Variants in MYOM1 observed in about 807,000 individuals in gnomAD.
MYOM1 encodes myomesin 1.
A neutral mutation model predicts 205.3 loss-of-function variants in MYOM1; 164 were observed. The ratio of observed to expected loss-of-function variants is 0.80; its 90% CI spans 0.70 to 0.91. The LOEUF (loss-of-function observed/expected upper bound fraction) is 0.91. MYOM1 is among the 40% of genes least tolerant of loss of function. MYOM1 has a pLI of 0.00. For synonymous variants in MYOM1, 772 were observed against 789.4 expected, an observed-to-expected ratio of 0.98 and a Z score of 0.37; for missense variants, 2,011 against 2,127.3, an observed-to-expected ratio of 0.95 and a Z score of 1.08.
upstream of MYOM1, among the ~76,000 whole-genome samples, chr18:3,222,218 T>G (rs1475990750): frequency 6.6e-6 from 1 of 152,184 alleles, no homozygotes; most frequent in East Asian, 1.9e-4. Context: ...TTACAATAAT[T>G]GATTCATATG....
intron 9 of MYOM1, among the ~76,000 whole-genome samples, chr18:3,167,615 C>T (rs1472970122): frequency 6.6e-6 from 1 of 152,144 alleles, no homozygotes; most frequent in Non-Finnish European, 1.5e-5. Context: ...AAACTCCTGA[C>T]CTCAGGTGAT....
chr18:3,077,888 C>A lies in MYOM1; in HGVS notation c.4648+1291G>T, dbSNP rs144791281. 5.3e-5 allele frequency among the ~76,000 whole-genome samples: 8 copies of A among 152,196 alleles called. No individual in the cohort carries two copies. In the East Asian group the frequency reaches 1.5e-3, roughly 29 times the overall value. On this transcript the variant is annotated intron_variant, in intron 34 of 37. Transcript: ENST00000356443. ...CAGCTGCTCCCATTACTGAAAGGTCCTGCAGCGAGTCTTTCTAGTCGCCGT... is the reference window on the plus strand; with the variant it reads ...CAGCTGCTCCCATTACTGAAAGGTCATGCAGCGAGTCTTTCTAGTCGCCGT...
intron 6 of MYOM1, among the ~76,000 whole-genome samples, chr18:3,175,526 T>C (rs1567950811): frequency 6.6e-6 from 1 of 152,186 alleles, no homozygotes; most frequent in Non-Finnish European, 1.5e-5. Context: ...CTGCTTCACA[T>C]ACACAGATTG....
chr18:3,159,711 G>A (rs144352412), intron 10 of MYOM1, among the ~76,000 whole-genome samples: 1 of 152,270 alleles, frequency 6.6e-6, no homozygotes, highest in Non-Finnish European at 1.5e-5. Flanking sequence ...AACATGTAAA[G>A]CCAAAGAAGG....
At chr18:3,126,255 A>T (rs1382684373) in intron 19 of MYOM1, among the ~76,000 whole-genome samples, 3 of 139,552 alleles carry the variant, frequency 2.1e-5, no homozygotes, top group East Asian at 2.1e-4. Context: ...ACAGAGCAAG[A>T]CTTCATCTCA....
At chr18:3,107,537 C>T (rs1018081428) in intron 22 of MYOM1, among the ~76,000 whole-genome samples, 7 of 152,110 alleles carry the variant, frequency 4.6e-5, no homozygotes, top group Non-Finnish European at 1.0e-4. Context: ...TCTTATATTT[C>T]CCCTACCTAT....
intron 10 of MYOM1, among the ~76,000 whole-genome samples, chr18:3,158,119 C>T (rs2080327942): frequency 6.6e-6 from 1 of 152,002 alleles, no homozygotes; most frequent in South Asian, 2.1e-4. Context: ...TTTTACAACC[C>T]AGAGATAACT....
chr18:3,092,621 C>T (rs527576892), intron 26 of MYOM1, among the ~76,000 whole-genome samples: 70 of 151,934 alleles, frequency 4.6e-4, no homozygotes, highest in Non-Finnish European at 9.0e-4. Flanking sequence ...AGCACAAATA[C>T]CATGATGGAT....
rs56880961 is a variant in MYOM1, at chr18:3,127,305, A to ATATATATAT, written c.2795-409_2795-408insATATATATA. On this transcript the variant is annotated intron_variant, in intron 18 of 37. Transcript: ENST00000356443. Reference sequence around the variant, plus strand: ...TCCATATATATATATATATATATATATTTTTTTTTTTTTTTTTTTTGAGCT... The same window carrying ATATATATAT: ...TCCATATATATATATATATATATATATATATATATTTTTTTTTTTTTTTTTTTTTGAGCT... Among the ~76,000 whole-genome samples the ATATATATAT allele has an allele frequency of 1.8e-3, 87 of 47,570 alleles. 1 individual carries two copies. Among genetic ancestry groups the ATATATATAT allele is most frequent in the Admixed American group, 2.0e-3 (7 of 3,432 alleles). The allele number at this position is 47,570 out of a possible 152,430, so 31.2% of individuals were successfully genotyped here. A position where few individuals can be genotyped will look rare whatever the true frequency, so the allele number is the denominator to read the frequency against.
At chr18:3,119,421 G>T (rs1363053325) in intron 20 of MYOM1, among the ~76,000 whole-genome samples, 1 of 152,100 alleles carries the variant, frequency 6.6e-6, no homozygotes, top group East Asian at 1.9e-4. Flanking sequence ...GATTTTGGGG[G>T]GCTAATAAAT....
intron 10 of MYOM1, among the ~76,000 whole-genome samples, chr18:3,155,446 G>A (rs915311205): frequency 2.6e-5 from 4 of 152,160 alleles, no homozygotes; most frequent in South Asian, 2.1e-4. Flanking sequence ...GGATGGTCTT[G>A]ATCTCCTGAC....
intron 2 of MYOM1, among the ~76,000 whole-genome samples, chr18:3,197,285 C>T (rs180870870): frequency 6.6e-4 from 101 of 152,076 alleles, no homozygotes; most frequent in Non-Finnish European, 1.0e-3. Context: ...TACAGGCGCA[C>T]GCCACCATGG....
chr18:3,231,383 CA>C, the MYOM1 span, among the ~76,000 whole-genome samples: 2 of 151,992 alleles, frequency 1.3e-5, no homozygotes, highest in Admixed American at 1.3e-4. Context: ...AGGGAGCAAA[CA>C]AAACAAATGG....
chr18:3,117,809 T>A (rs2079627934), intron 20 of MYOM1, among the ~76,000 whole-genome samples: 3 of 152,210 alleles, frequency 2.0e-5, no homozygotes, highest in Non-Finnish European at 4.4e-5. Context: ...AATATTTGTT[T>A]GGCCCTTTAC....
intron 10 of MYOM1, among the ~76,000 whole-genome samples, chr18:3,159,522 G>T (rs184814671): frequency 3.3e-5 from 5 of 152,260 alleles, no homozygotes; most frequent in African/African-American, 1.2e-4. Flanking sequence ...ATACCCAAGA[G>T]AAATGAAGAT....
intron 11 of MYOM1, among the ~76,000 whole-genome samples, chr18:3,154,622 C>T (rs1435187622): frequency 7.7e-6 from 1 of 130,260 alleles, no homozygotes; most frequent in South Asian, 2.2e-4. Flanking sequence ...TCAATACACA[C>T]ACACACACAC....
chr18:3,166,266 T>TC (rs2080468096), intron 9 of MYOM1, among the ~76,000 whole-genome samples: 1 of 126,978 alleles, frequency 7.9e-6, no homozygotes, highest in Non-Finnish European at 1.7e-5. Context: ...CTCAAGTCTT[T>TC]TTTTTTTTTT....
At chr18:3,211,865 T>G (rs1032516903) in intron 2 of MYOM1, among the ~76,000 whole-genome samples, 1 of 152,124 alleles carries the variant, frequency 6.6e-6, no homozygotes, top group Non-Finnish European at 1.5e-5. Context: ...AAAGCAGAGC[T>G]AAAAATAGAC....
chr18:3,120,799 A>G (rs1302530808), intron 19 of MYOM1, among the ~76,000 whole-genome samples: 1 of 152,170 alleles, frequency 6.6e-6, no homozygotes, highest in East Asian at 1.9e-4. Context: ...GTGACCTAAT[A>G]TTTTCCGTAT....
Sources: gnomAD v4.1 joint callset for allele counts (sites outside exome capture counted in the v4.1 genomes callset) on GRCh38, gnomAD v4.1.1 for gene constraint, MANE v1.5 for transcripts, NCBI Gene and HGNC (gene_info 2026-07-23, HGNC 2026-07-21) for gene names.